The following CHN2 variants were observed in gnomAD, a reference collection of about 807,000 sequenced individuals.
The protein encoded by CHN2 is chimerin 2.
In CHN2, 35 loss-of-function variants were observed where a neutral mutation model predicts 56.3. The observed-to-expected ratio is 0.62, with a 90% confidence interval of 0.47 to 0.82. The LOEUF is 0.82. Ranked by LOEUF, CHN2 falls within the 40% of genes least tolerant of loss-of-function variation. The pLI is 0.00. For missense variants in CHN2, 491 were observed against 580.5 expected (o/e 0.85, Z 1.58); for synonymous variants, 210 against 212.8 (o/e 0.99, Z 0.12).
chr7:29,286,212 C>CT (rs57926463), intron 1 of CHN2, among the ~76,000 whole-genome samples: 6,479 of 133,386 alleles, frequency 0.049, 405 homozygotes, highest in African/African-American at 0.15. Context: ...TCTCTCTCAT[C>CT]TTTTTTTTTT....
intron 1 of CHN2, among the ~76,000 whole-genome samples, chr7:29,225,701 T>G (rs1454489527): frequency 6.6e-6 from 1 of 152,154 alleles, no homozygotes; most frequent in Admixed American, 6.6e-5. Flanking sequence ...CTTATGAAGG[T>G]GCAAGGAGAC....
At chr7:29,505,880 G>A (rs1790506761) in intron 10 of CHN2, among the ~76,000 whole-genome samples, 2 of 152,212 alleles carry the variant, frequency 1.3e-5, no homozygotes, top group Admixed American at 6.5e-5. Flanking sequence ...GCACATGACA[G>A]ATTCCCAATA....
chr7:29,213,434 A>C (rs1785109924), intron 1 of CHN2, among the ~76,000 whole-genome samples: 1 of 152,184 alleles, frequency 6.6e-6, no homozygotes, highest in Non-Finnish European at 1.5e-5. Context: ...CGGAGAAAAG[A>C]CGTTTTAATA....
Position 29,513,615 on chromosome 7 carries a change from C to CTT in CHN2, c.*881_*882dup, listed in dbSNP as rs4000305. The CTT allele has an allele frequency of 0.46, 70,072 of 151,896 alleles. 16,725 individuals carry two copies. The highest frequency in any genetic ancestry group is 0.58 in the African/African-American group (24,055 of 41,392). 9.4% of individuals were successfully genotyped at this position (151,896 alleles called of 1,614,324 possible). A position where few individuals can be genotyped will look rare whatever the true frequency, so the allele number is the denominator to read the frequency against. On this transcript the variant is annotated 3_prime_UTR_variant, in exon 13 of 13. Transcript: ENST00000222792. The stretch of plus-strand genomic sequence containing the variant: ...ATCTGGTCTGTGTAAAAAGTTAGCA[C>CTT]TTACCCTCTTTTCTTCCTGGCCAAG...
intron 1 of CHN2, among the ~76,000 whole-genome samples, chr7:29,278,083 G>A (rs746144059): frequency 2.0e-5 from 3 of 152,178 alleles, no homozygotes; most frequent in South Asian, 2.1e-4. Flanking sequence ...TGTCTGTGAC[G>A]TATTCAGCCC....
chr7:29,329,812 T>C (rs772029141), intron 1 of CHN2, among the ~76,000 whole-genome samples: 1 of 152,242 alleles, frequency 6.6e-6, no homozygotes, highest in South Asian at 2.1e-4. Flanking sequence ...TCATTTAAAG[T>C]TTCCTCTTAT....
chr7:29,353,153 A>G (rs987829004), intron 1 of CHN2, among the ~76,000 whole-genome samples: 3 of 152,216 alleles, frequency 2.0e-5, no homozygotes, highest in Non-Finnish European at 4.4e-5. Flanking sequence ...GTGTGAAATG[A>G]GCATGGGAGG....
At chr7:29,220,486 T>G (rs1012896779) in intron 1 of CHN2, among the ~76,000 whole-genome samples, 6 of 152,048 alleles carry the variant, frequency 3.9e-5, no homozygotes, top group Admixed American at 2.0e-4. Flanking sequence ...CACCACTATA[T>G]GTCATAGAGA....
chr7:29,383,733 G>T (rs1331536149), intron 3 of CHN2, among the ~76,000 whole-genome samples: 1 of 152,192 alleles, frequency 6.6e-6, no homozygotes, highest in African/African-American at 2.4e-5. Context: ...CTTTTAAGGA[G>T]GGTGGTCTGG....
intron 1 of CHN2, among the ~76,000 whole-genome samples, chr7:29,331,042 T>C (rs1356973559): frequency 1.3e-5 from 2 of 152,254 alleles, no homozygotes; most frequent in Admixed American, 1.3e-4. Flanking sequence ...TGTAGAAGGA[T>C]GTCCAAGTTC....
chr7:29,504,106 A>G (rs541303099), intron 9 of CHN2, among the ~76,000 whole-genome samples: 2 of 152,348 alleles, frequency 1.3e-5, no homozygotes, highest in East Asian at 3.9e-4. Flanking sequence ...AACAGTTAAC[A>G]TAGTCTTATT....
intron 1 of CHN2, among the ~76,000 whole-genome samples, chr7:29,232,777 A>AT (rs1309974566): frequency 6.6e-6 from 1 of 152,160 alleles, no homozygotes; most frequent in Non-Finnish European, 1.5e-5. Flanking sequence ...GTACCATTAA[A>AT]TTTTGCAGGC....
intron 6 of CHN2, among the ~76,000 whole-genome samples, chr7:29,471,278 G>A (rs960525954): frequency 4.6e-5 from 7 of 152,186 alleles, no homozygotes; most frequent in South Asian, 2.1e-4. Flanking sequence ...TAACAATGAC[G>A]TGTTGAAATG....
intron 2 of CHN2, among the ~76,000 whole-genome samples, chr7:29,178,142 C>T (rs1797598648): frequency 1.3e-5 from 2 of 152,182 alleles, no homozygotes; most frequent in Non-Finnish European, 2.9e-5. Context: ...TCTGTCCACA[C>T]CATCAGCCTT....
At chr7:29,187,524 G>C (rs1798863860) in intron 2 of CHN2, among the ~76,000 whole-genome samples, 1 of 152,126 alleles carries the variant, frequency 6.6e-6, no homozygotes, top group South Asian at 2.1e-4. Context: ...AGGAGTTTGA[G>C]ACCAGCCTAG....
intron 1 of CHN2, among the ~76,000 whole-genome samples, chr7:29,250,181 G>A (rs1406363589): frequency 6.6e-6 from 1 of 152,206 alleles, no homozygotes; most frequent in African/African-American, 2.4e-5. Flanking sequence ...AAGAAAGAGA[G>A]CAGGAATTAG....
rs111520675 is a variant in CHN2, at chr7:29,340,402, G to C, written c.50-14223G>C. Among the ~76,000 whole-genome samples, 1,066 of 151,696 alleles carry C rather than the reference G, an allele frequency of 7.0e-3. 13 individuals carry two copies. The highest frequency in any genetic ancestry group is 0.01 in the Admixed American group (156 of 15,208). On this transcript the variant is annotated intron_variant, in intron 1 of 12. Transcript: ENST00000222792. The stretch of plus-strand genomic sequence containing the variant: ...CTGCCTTCTGCAGGGGGTTGCTTGG[G>C]GGGGGGCCTCAATATTTAGCAGCCC...
intron 7 of CHN2, among the ~76,000 whole-genome samples, chr7:29,493,173 T>C (rs537644401): frequency 7.4e-4 from 113 of 152,306 alleles, no homozygotes; most frequent in African/African-American, 2.6e-3. Flanking sequence ...CATAAATACT[T>C]ACTGTTATGT....
At chr7:29,233,491 A>G (rs1786881118) in intron 1 of CHN2, among the ~76,000 whole-genome samples, 1 of 152,060 alleles carries the variant, frequency 6.6e-6, no homozygotes, top group African/African-American at 2.4e-5. Context: ...TCCACTTGGA[A>G]CCTGTAAACA....
Sources: gnomAD v4.1 joint callset for allele counts (sites outside exome capture counted in the v4.1 genomes callset) on GRCh38, gnomAD v4.1.1 for gene constraint, MANE v1.5 for transcripts, NCBI Gene and HGNC (gene_info 2026-07-23, HGNC 2026-07-21) for gene names.